CHRM5: variants seen among roughly 807,000 people sequenced by gnomAD.
The protein encoded by CHRM5 is muscarinic acetylcholine receptor M5.
A neutral mutation model predicts 39.0 loss-of-function variants in CHRM5; 18 were observed. The ratio of observed to expected loss-of-function variants is 0.46; its 90% confidence interval spans 0.32 to 0.68. CHRM5 has a LOEUF of 0.68. CHRM5 is among the 30% of genes least tolerant of loss of function. The pLI, the probability that CHRM5 is intolerant of heterozygous loss-of-function variation, is 0.04. For missense variants in CHRM5, 515 were observed against 651.1 expected (o/e 0.79, Z 2.28); for synonymous variants, 241 against 246.3 (o/e 0.98, Z 0.20).
Position 34,063,947 on chromosome 15 carries a change from C to T in CHRM5, c.1230C>T (p.Ala410=), listed in dbSNP as rs1352309430. The T allele has an allele frequency of 6.2e-7, 1 of 1,614,116 alleles. No homozygotes were observed. Among genetic ancestry groups the T allele is most frequent in the East Asian group, 2.2e-5 (1 of 44,864 alleles). The stretch of plus-strand genomic sequence containing the variant: ...TCATGCCCTGCCCCTTCCCAGTGGC[C>T]AAGGAACCTTCAACGAAAGGCCTCA... The part of the protein sequence containing the change: ...VKIMPCPFPV[A]KEPSTKGLNP... Residue 410 remains alanine, a synonymous_variant, in exon 3 of 3, where the codon GCC becomes GCT. Coordinates refer to ENST00000383263, the MANE Select transcript of CHRM5 (RefSeq NM_012125.4). The surrounding 1 kb of genome is among the most constrained non-coding windows in gnomAD (Gnocchi z 4.1).
intron 1 of CHRM5, among the ~76,000 whole-genome samples, chr15:34,017,708 G>T (rs1898002105): frequency 6.6e-6 from 1 of 152,054 alleles, no homozygotes; most frequent in African/African-American, 2.4e-5. Context: ...TCGAACTCCT[G>T]ACCTCAAGTG....
At chr15:34,013,467 TTGTC>T (rs1353263706) in intron 1 of CHRM5, among the ~76,000 whole-genome samples, 3 of 152,226 alleles carry the variant, frequency 2.0e-5, no homozygotes, top group Non-Finnish European at 2.9e-5. Context: ...ATTGTTACAT[TTGTC>T]TGTCCTGCAA....
chr15:33,988,060 G>C (rs563384378), intron 1 of CHRM5, among the ~76,000 whole-genome samples: 1 of 152,326 alleles, frequency 6.6e-6, no homozygotes, highest in South Asian at 2.1e-4. Flanking sequence ...AGTGCCCTGA[G>C]GCCTGGCTGC....
rs925250582 is a variant in CHRM5 at position 34,066,773 on chromosome 15, C to T, written c.*2457C>T. 6.6e-6 allele frequency: 1 copy of T among 150,790 alleles called. No individual in the cohort carries two copies. The highest frequency in any genetic ancestry group is 1.5e-5 in the Non-Finnish European group (1 of 68,024). 9.3% of individuals were successfully genotyped at this position (150,790 alleles called of 1,614,324 possible). ...GAGGTTGCAGTGAGCTATGATCACA[C>T]TACTGCATTCCAGTCTAAGTGACAG... is the stretch of plus-strand genomic sequence containing the variant. On this transcript the variant is annotated 3_prime_UTR_variant, in exon 3 of 3. Coordinates refer to ENST00000383263, the MANE Select transcript of CHRM5 (RefSeq NM_012125.4).
intron 2 of CHRM5, among the ~76,000 whole-genome samples, chr15:34,050,247 T>C (rs550691004): frequency 6.6e-6 from 1 of 152,062 alleles, no homozygotes; most frequent in Non-Finnish European, 1.5e-5. Flanking sequence ...CCAACTAAGC[T>C]TTATAAGTAA....
At chr15:33,989,961 T>G (rs1257921089) in intron 1 of CHRM5, among the ~76,000 whole-genome samples, 3 of 151,242 alleles carry the variant, frequency 2.0e-5, no homozygotes, top group African/African-American at 7.3e-5. Context: ...CCCAGCACTT[T>G]GGGAGGCCAA....
chr15:33,968,761 T>TA lies in CHRM5; in HGVS notation c.-795dup, dbSNP rs1160910057. 6.6e-6 allele frequency: 1 copy of TA among 152,112 alleles called. No homozygotes were observed. The highest frequency in any genetic ancestry group is 1.9e-4 in the East Asian group (1 of 5,196). 9.4% of individuals were successfully genotyped at this position (152,112 alleles called of 1,614,324 possible). ...AAGCAGCTTGATTTGGAAGCGTGTG[T>TA]AATTCTGAAATACGAACAAGCAGAA... On this transcript the variant is annotated 5_prime_UTR_variant, in exon 1 of 3. Transcript: ENST00000383263.
At chr15:34,062,114 G>A (rs770166507) in intron 2 of CHRM5, among the ~76,000 whole-genome samples, 4 of 152,042 alleles carry the variant, frequency 2.6e-5, no homozygotes, top group Non-Finnish European at 4.4e-5. Context: ...CCACAAGAGG[G>A]CAGCAGCCTC....
chr15:34,023,187 A>C (rs1204994506), intron 1 of CHRM5, among the ~76,000 whole-genome samples: 1 of 152,124 alleles, frequency 6.6e-6, no homozygotes, highest in Admixed American at 6.5e-5. Flanking sequence ...CTCAGAAAAA[A>C]AAAAAGGAAA....
chr15:34,062,585 T>C, intron 2 of CHRM5, 58 bp from the exon 3 acceptor site: 1 of 635,934 alleles, frequency 1.6e-6, no homozygotes, highest in Non-Finnish European at 2.6e-6. Flanking sequence ...CTATAAACAA[T>C]GGATGGACAA....
chr15:33,998,884 C>T (rs188229583), intron 1 of CHRM5, among the ~76,000 whole-genome samples: 51 of 152,292 alleles, frequency 3.3e-4, no homozygotes, highest in African/African-American at 1.1e-3. Context: ...AATAACTCCC[C>T]CTGTCATCTC....
chr15:33,995,971 TCCG>T lies in CHRM5; in HGVS notation c.-408+26824_-408+26826del, dbSNP rs1413636391. On this transcript the variant is annotated intron_variant, in intron 1 of 2. Transcript: ENST00000383263. ...ACTGTACCTGGAAAATCTGGACACTTCCGCCCAAATACTGCGCTTTTCCAACAG... is the reference window on the plus strand; with the variant it reads ...ACTGTACCTGGAAAATCTGGACACTTCCCAAATACTGCGCTTTTCCAACAG... 2.0e-5 allele frequency among the ~76,000 whole-genome samples: 3 copies of T among 152,210 alleles called. No individual in the cohort carries two copies. The East Asian group carries it at 5.8e-4, about 29-fold the overall frequency.
At chr15:34,004,197 C>G (rs866480207) in intron 1 of CHRM5, among the ~76,000 whole-genome samples, 1 of 152,116 alleles carries the variant, frequency 6.6e-6, no homozygotes, top group African/African-American at 2.4e-5. Context: ...AAAAAAGTTC[C>G]CTGTATTACA....
At position 34,064,201 on chromosome 15, in the gene CHRM5, A is replaced by G. The variant is rs1186621097; in HGVS notation, c.1484A>G (p.Tyr495Cys). 2 of 1,614,156 alleles carry G rather than the reference A, an allele frequency of 1.2e-6. No homozygotes were observed. The highest frequency in any genetic ancestry group is 1.6e-4 in the Middle Eastern group (1 of 6,062). Residue 495 changes from tyrosine to cysteine, a missense_variant, in exon 3 of 3, where the codon TAT (tyrosine) becomes TGT (cysteine). Transcript: ENST00000383263. Reference sequence around the variant, plus strand: ...AATAGCACTGTCAACCCCATCTGCTATGCCCTCTGCAACAGAACCTTCAGG... The same window carrying G: ...AATAGCACTGTCAACCCCATCTGCTGTGCCCTCTGCAACAGAACCTTCAGG... ...YVNSTVNPIC[Y>C]ALCNRTFRKT...
intron 1 of CHRM5, among the ~76,000 whole-genome samples, chr15:34,015,279 C>T (rs1033322901): frequency 6.6e-6 from 1 of 152,054 alleles, no homozygotes; most frequent in Non-Finnish European, 1.5e-5. Context: ...GTCAGGAGAT[C>T]GAGACCATCT....
rs549398966 is a variant in CHRM5, at chr15:33,995,879, C to T, written c.-408+26729C>T. Among the ~76,000 whole-genome samples, 7 of 152,366 alleles carry T rather than the reference C, an allele frequency of 4.6e-5. No individual in the cohort carries two copies. In the South Asian group the frequency reaches 1.4e-3, roughly 32 times the overall value. ...GGGCGAGCTGAAGCGGGGCGGGGCG[C>T]TGCCTCACCCTGGAAGCGCAAGGGG... is the stretch of plus-strand genomic sequence containing the variant. On this transcript the variant is annotated intron_variant, in intron 1 of 2. Coordinates refer to ENST00000383263, the MANE Select transcript of CHRM5 (RefSeq NM_012125.4).
intron 1 of CHRM5, among the ~76,000 whole-genome samples, chr15:34,023,318 T>C (rs61413438): frequency 0.052 from 7,848 of 152,280 alleles, 668 homozygotes; most frequent in African/African-American, 0.18. Flanking sequence ...CCCACTGAGT[T>C]TGGTTGCTAT....
intron 1 of CHRM5, among the ~76,000 whole-genome samples, chr15:34,014,399 A>G (rs1897786719): frequency 7.3e-6 from 1 of 136,944 alleles, no homozygotes; most frequent in African/African-American, 2.8e-5. Context: ...AACAAAAACC[A>G]CGTTTGAGGA....
intron 1 of CHRM5, among the ~76,000 whole-genome samples, chr15:33,996,132 C>T (rs1489094638): frequency 5.9e-5 from 9 of 152,196 alleles, no homozygotes. Flanking sequence ...GGGGGAGGGG[C>T]GTCTGCCATT....
Sources: allele counts gnomAD v4.1 joint callset (sites outside exome capture counted in the v4.1 genomes callset), GRCh38; gene constraint gnomAD v4.1.1; non-coding constraint Gnocchi (gnomAD v3.1); transcripts MANE v1.5; gene names NCBI Gene and HGNC (gene_info 2026-07-23, HGNC 2026-07-21).